LHFPL3: variants seen among roughly 807,000 people sequenced by gnomAD.
The protein encoded by LHFPL3 is LHFPL tetraspan subfamily member 3 protein.
LHFPL3 carries 5 observed loss-of-function variants against 19.3 expected under a neutral mutation model. The ratio of observed to expected loss-of-function variants is 0.26; its 90% CI spans 0.14 to 0.54. The LOEUF is 0.54. Among genes scored for constraint, LHFPL3 ranks in the 20% least tolerant of loss-of-function variants. LHFPL3 has a pLI of 0.94. For missense variants in LHFPL3, 249 were observed against 307.4 expected, an observed-to-expected ratio of 0.81 and a Z score of 1.42; for synonymous variants, 133 against 126.2, an observed-to-expected ratio of 1.05 and a Z score of -0.36.
intron 1 of LHFPL3, among the ~76,000 whole-genome samples, chr7:104,502,493 A>G (rs759798130): frequency 8.5e-5 from 13 of 152,226 alleles, no homozygotes; most frequent in Non-Finnish European, 1.6e-4. Context: ...TGGCATCTAC[A>G]TGTTGGCTAA....
chr7:104,852,801 G>A (rs369451649), intron 2 of LHFPL3, among the ~76,000 whole-genome samples: 1 of 152,218 alleles, frequency 6.6e-6, no homozygotes, highest in South Asian at 2.1e-4. Flanking sequence ...TGGGGCATGG[G>A]GGCATGGAGA....
chr7:104,784,372 A>C (rs1220647840), intron 2 of LHFPL3, among the ~76,000 whole-genome samples: 1 of 152,228 alleles, frequency 6.6e-6, no homozygotes, highest in Non-Finnish European at 1.5e-5. Flanking sequence ...CCTCGCCTGC[A>C]AAATGTGGTA....
chr7:104,564,265 T>G (rs1001863966), intron 1 of LHFPL3, among the ~76,000 whole-genome samples: 2 of 152,208 alleles, frequency 1.3e-5, no homozygotes, highest in Non-Finnish European at 2.9e-5. Context: ...TTTGGAGGAC[T>G]GAGTTAGGGT....
At chr7:104,675,940 C>T (rs1338858961) in intron 1 of LHFPL3, among the ~76,000 whole-genome samples, 2 of 152,146 alleles carry the variant, frequency 1.3e-5, no homozygotes, top group East Asian at 3.9e-4. Context: ...TACAGATAGA[C>T]ATCAGGAAGC....
intron 1 of LHFPL3, among the ~76,000 whole-genome samples, chr7:104,592,134 A>G (rs1790738232): frequency 1.3e-5 from 2 of 152,166 alleles, no homozygotes. Context: ...CGTCAAAGTC[A>G]TTCTCCATCC....
At chr7:104,466,602 C>G (rs1015407693) in intron 1 of LHFPL3, among the ~76,000 whole-genome samples, 2 of 152,208 alleles carry the variant, frequency 1.3e-5, no homozygotes, top group South Asian at 4.1e-4. Context: ...AGGCCTGGTT[C>G]AGCCACTCCT....
chr7:104,329,375 A>G (rs1315751445), intron 1 of LHFPL3, 151 bp downstream of exon 1: 1 of 1,051,086 alleles, frequency 9.5e-7, no homozygotes, highest in African/African-American at 1.7e-5. Flanking sequence ...GCGGGAGCCC[A>G]GCGAGGCCGG....
chr7:104,875,672 T>A (rs982472291), intron 2 of LHFPL3, among the ~76,000 whole-genome samples: 11 of 152,206 alleles, frequency 7.2e-5, no homozygotes, highest in African/African-American at 2.7e-4. Flanking sequence ...TCTTTAGAAG[T>A]CTTTAAATTA....
chr7:104,339,940 G>A (rs544528658), intron 1 of LHFPL3, among the ~76,000 whole-genome samples: 3 of 152,264 alleles, frequency 2.0e-5, no homozygotes, highest in African/African-American at 7.2e-5. Context: ...TTTCTTAATA[G>A]ATTTGCTTAT....
chr7:104,804,551 T>C (rs1790317076), intron 2 of LHFPL3, among the ~76,000 whole-genome samples: 1 of 152,186 alleles, frequency 6.6e-6, no homozygotes, highest in African/African-American at 2.4e-5. Flanking sequence ...GAGATGTCAC[T>C]TCCACGATTA....
intron 1 of LHFPL3, among the ~76,000 whole-genome samples, chr7:104,425,130 A>T: frequency 6.6e-6 from 1 of 152,158 alleles, no homozygotes; most frequent in South Asian, 2.1e-4. Flanking sequence ...TATTCTGATC[A>T]CTACATAGTA....
chr7:104,609,571 A>G (rs989416572), intron 1 of LHFPL3, among the ~76,000 whole-genome samples: 58 of 152,330 alleles, frequency 3.8e-4, no homozygotes, highest in African/African-American at 1.4e-3. Flanking sequence ...TGGTGCAGAG[A>G]ATATAAAAAC....
At chr7:104,657,930 A>G (rs1792148936) in intron 1 of LHFPL3, among the ~76,000 whole-genome samples, 1 of 152,242 alleles carries the variant, frequency 6.6e-6, no homozygotes, top group African/African-American at 2.4e-5. Flanking sequence ...GTAGAGAGCA[A>G]TTACAGTGAT....
chr7:104,782,097 A>G (rs1037877367), intron 2 of LHFPL3, among the ~76,000 whole-genome samples: 6 of 152,292 alleles, frequency 3.9e-5, no homozygotes, highest in South Asian at 2.1e-4. Context: ...GGCATCATGC[A>G]TGGTATTCAG....
At chr7:104,516,956 T>C (rs928006818) in intron 1 of LHFPL3, among the ~76,000 whole-genome samples, 4 of 152,194 alleles carry the variant, frequency 2.6e-5, no homozygotes, top group Non-Finnish European at 5.9e-5. Context: ...CATGGAATAC[T>C]ATGCAGTCAT....
chr7:104,486,343 G>C (rs1793237427), intron 1 of LHFPL3, among the ~76,000 whole-genome samples: 1 of 152,112 alleles, frequency 6.6e-6, no homozygotes, highest in African/African-American at 2.4e-5. Context: ...CTGTGCTATA[G>C]TCTATTTTGG....
chr7:104,383,247 C>A (rs1338711311), intron 1 of LHFPL3, among the ~76,000 whole-genome samples: 1 of 152,166 alleles, frequency 6.6e-6, no homozygotes, highest in Non-Finnish European at 1.5e-5. Context: ...ATCTTCTTAG[C>A]ACAGTGACTC....
chr7:104,332,297 T>G (rs1801585607), intron 1 of LHFPL3, among the ~76,000 whole-genome samples: 1 of 143,724 alleles, frequency 7.0e-6, no homozygotes, highest in East Asian at 2.3e-4. Flanking sequence ...TGGTGTGATC[T>G]CGGCTCACTG....
At chr7:104,424,569 G>A (rs1285059779) in intron 1 of LHFPL3, among the ~76,000 whole-genome samples, 4 of 152,216 alleles carry the variant, frequency 2.6e-5, no homozygotes, top group African/African-American at 9.6e-5. Flanking sequence ...AATTTAAAAG[G>A]TCAACCAACC....
Sources: allele counts gnomAD v4.1 joint callset (sites outside exome capture counted in the v4.1 genomes callset), GRCh38; gene constraint gnomAD v4.1.1; transcripts MANE v1.5; gene names NCBI Gene and HGNC (gene_info 2026-07-23, HGNC 2026-07-21).